Variants in CACNA2D2 observed in about 807,000 individuals in gnomAD.
CACNA2D2 encodes calcium voltage-gated channel auxiliary subunit alpha2delta 2.
A neutral mutation model predicts 166.4 loss-of-function variants in CACNA2D2; 48 were observed. The observed-to-expected ratio is 0.29, with a 90% CI of 0.23 to 0.37. CACNA2D2 has a LOEUF of 0.37. Ranked by LOEUF, CACNA2D2 falls within the 10% of genes least tolerant of loss-of-function variation. CACNA2D2 has a pLI of 1.00. For missense variants in CACNA2D2, 1,122 were observed against 1,433.0 expected (o/e 0.78, Z 3.50); for synonymous variants, 561 against 573.7 (o/e 0.98, Z 0.32).
chr3:50,499,310 T>C (rs1698857450), intron 1 of CACNA2D2, among the ~76,000 whole-genome samples: 1 of 152,120 alleles, frequency 6.6e-6, no homozygotes, highest in African/African-American at 2.4e-5. Flanking sequence ...ACCTAGCCCG[T>C]GGGAGCCCTG....
At chr3:50,495,413 ACT>A (rs1262710434) in intron 1 of CACNA2D2, among the ~76,000 whole-genome samples, 2 of 152,068 alleles carry the variant, frequency 1.3e-5, no homozygotes, top group Non-Finnish European at 2.9e-5. Context: ...GGAAAGCAAA[ACT>A]CTCAGACAAC....
chr3:50,421,864 G>T (rs1488154367), intron 3 of CACNA2D2, among the ~76,000 whole-genome samples: 1 of 152,080 alleles, frequency 6.6e-6, no homozygotes, highest in African/African-American at 2.4e-5. Context: ...CCAAGTGACT[G>T]GGAACTGCTC....
intron 1 of CACNA2D2, among the ~76,000 whole-genome samples, chr3:50,498,674 C>T (rs1430876610): frequency 3.9e-5 from 6 of 152,228 alleles, no homozygotes; most frequent in African/African-American, 7.2e-5. Flanking sequence ...CCAAGGAAGG[C>T]CCCTCAGGGT....
intron 3 of CACNA2D2, among the ~76,000 whole-genome samples, chr3:50,431,041 G>A (rs149197424): frequency 3.3e-5 from 5 of 152,196 alleles, no homozygotes; most frequent in Non-Finnish European, 5.9e-5. Context: ...ATGAACTTCC[G>A]TCCTGTGTTG....
intron 2 of CACNA2D2, among the ~76,000 whole-genome samples, chr3:50,463,856 G>T (rs987458937): frequency 1.3e-5 from 2 of 152,264 alleles, no homozygotes; most frequent in Non-Finnish European, 2.9e-5. Context: ...GGACCCTCAT[G>T]TGAGCCTGCA....
intron 2 of CACNA2D2, among the ~76,000 whole-genome samples, chr3:50,454,314 C>G (rs1422720765): frequency 6.6e-6 from 1 of 152,212 alleles, no homozygotes; most frequent in Non-Finnish European, 1.5e-5. Context: ...CCGCTGTGTA[C>G]GCAGAGTGCC....
At chr3:50,469,703 C>T (rs138981982) in intron 2 of CACNA2D2, among the ~76,000 whole-genome samples, 2 of 152,298 alleles carry the variant, frequency 1.3e-5, no homozygotes, top group Non-Finnish European at 2.9e-5. Flanking sequence ...CAACATGTCC[C>T]GGGTCCCACA....
At chr3:50,435,171 C>A (rs182440900) in intron 2 of CACNA2D2, among the ~76,000 whole-genome samples, 4 of 150,912 alleles carry the variant, frequency 2.7e-5, no homozygotes, top group Admixed American at 2.6e-4. Context: ...TCAACATATC[C>A]GTTTGTGTGC....
chr3:50,438,393 C>A (rs891213341), intron 2 of CACNA2D2, among the ~76,000 whole-genome samples: 4 of 152,198 alleles, frequency 2.6e-5, no homozygotes, highest in Non-Finnish European at 4.4e-5. Flanking sequence ...GGCATCAGGG[C>A]AAGTCCGGCC....
Position 50,375,818 on chromosome 3 carries a change from G to T in CACNA2D2, c.1836C>A (p.Ser612=), listed in dbSNP as rs904161798. The T allele has an allele frequency of 1.2e-6, 2 of 1,613,034 alleles. 1 individual carries two copies. Among genetic ancestry groups the T allele is most frequent in the Middle Eastern group, 3.3e-4 (2 of 6,060 alleles). ...AGCCCTGCCTCCTTACCTCATCCAG[G>T]GACTTGACCAACGTTCTGATCTGCT... ...GHKQIRTLVK[S]LDERYIDEVT... is the part of the protein sequence containing the mutation. The change falls in exon 20 of 38, where the codon TCC becomes TCA. Residue 612 remains serine, a synonymous_variant. Transcript: ENST00000424201. This position sits in a 1 kb window ranked among gnomAD's most constrained non-coding sequence, Gnocchi z 4.0.
intron 22 of CACNA2D2, chr3:50,373,134 AAC>A (rs1459506590): frequency 6.6e-7 from 1 of 1,519,814 alleles, no homozygotes; most frequent in Non-Finnish European, 8.8e-7. Flanking sequence ...AAACAACACA[AAC>A]ACAAAAACAA....
At position 50,383,821 on chromosome 3, in the gene CACNA2D2, G is replaced by A. The variant is rs587622394; in HGVS notation, c.652+375C>T. 2.6e-5 allele frequency among the ~76,000 whole-genome samples: 4 copies of A among 152,316 alleles called. No individual in the cohort carries two copies. In the East Asian group the frequency reaches 7.7e-4, roughly 29 times the overall value. ...CAGCTTGTCAACCACTCCTACTTGG[G>A]GGCAGGGAATGGGGAAGGGTGGTGA... On this transcript the variant is annotated intron_variant, in intron 6 of 37. Coordinates refer to ENST00000424201, the MANE Select transcript of CACNA2D2 (RefSeq NM_006030.4).
intron 3 of CACNA2D2, chr3:50,415,755 TA>T (rs1286991252): frequency 6.6e-6 from 1 of 152,264 alleles, no homozygotes; most frequent in African/African-American, 2.4e-5. Context: ...ACTTGGTAAC[TA>T]TTTGGTGAAT....
rs191339868 is a variant in CACNA2D2, at chr3:50,422,557, A to G, written c.405+11756T>C. ...AGCAAAGGATCCAAGATGCAAGCTC[A>G]GAAAAATGTGAGACCCCTTCTTTCA... On this transcript the variant is annotated intron_variant, in intron 3 of 37. Transcript: ENST00000424201. Among the ~76,000 whole-genome samples the G allele has an allele frequency of 1.5e-3, 226 of 152,326 alleles. 2 individuals carry two copies. The highest frequency in any genetic ancestry group is 5.1e-3 in the African/African-American group (213 of 41,578).
intron 3 of CACNA2D2, among the ~76,000 whole-genome samples, chr3:50,429,335 A>G (rs1707953955): frequency 6.6e-6 from 1 of 152,078 alleles, no homozygotes; most frequent in South Asian, 2.1e-4. Flanking sequence ...AGAGTAACCC[A>G]GCGACCTGTG....
chr3:50,367,572 G>A lies in CACNA2D2; in HGVS notation c.2297+70C>T, dbSNP rs973812706. On this transcript the variant is annotated intron_variant, in intron 26 of 37. Transcript: ENST00000424201. The surrounding 1 kb of genome is among the most constrained non-coding windows in gnomAD (Gnocchi z 6.5). ...ACAGTGGTCTCCACAGATGCAAGGAGGCCTCTGGGCAGAACAGATGCAGGT... is the reference window on the plus strand; with the variant it reads ...ACAGTGGTCTCCACAGATGCAAGGAAGCCTCTGGGCAGAACAGATGCAGGT... 6.3e-7 allele frequency: 1 copy of A among 1,599,830 alleles called. No individual in the cohort carries two copies. Among genetic ancestry groups the A allele is most frequent in the Admixed American group, 1.7e-5 (1 of 59,788 alleles).
intron 2 of CACNA2D2, among the ~76,000 whole-genome samples, chr3:50,435,224 AC>A (rs1409986179): frequency 2.0e-5 from 3 of 149,436 alleles, no homozygotes; most frequent in African/African-American, 7.4e-5. Context: ...AGGGTCTCTA[AC>A]CCCCCAGGGG....
chr3:50,434,213 G>T, intron 3 of CACNA2D2, 100 bp downstream of exon 3: 1 of 797,676 alleles, frequency 1.3e-6, no homozygotes, highest in Non-Finnish European at 2.1e-6. Context: ...ACTCAGGAGG[G>T]CCACGTGATG....
chr3:50,379,290 C>T lies in CACNA2D2; in HGVS notation c.1153-91G>A, dbSNP rs1432641824. On this transcript the variant is annotated intron_variant, in intron 11 of 37. Coordinates refer to ENST00000424201, the MANE Select transcript of CACNA2D2 (RefSeq NM_006030.4). This position sits in a 1 kb window ranked among gnomAD's most constrained non-coding sequence, Gnocchi z 6.5. Reference sequence around the variant, plus strand: ...CCCGCAGTGGGCCTGGACCTCTGGCCCTCCTCCCCCACAGCAGATGGAGCT... The same window carrying T: ...CCCGCAGTGGGCCTGGACCTCTGGCTCTCCTCCCCCACAGCAGATGGAGCT... The T allele has an allele frequency of 3.5e-6, 5 of 1,447,432 alleles. No individual in the cohort carries two copies. Among genetic ancestry groups the T allele is most frequent in the Non-Finnish European group, 4.8e-6 (5 of 1,037,388 alleles). 89.7% of individuals were successfully genotyped at this position (1,447,432 alleles called of 1,614,324 possible).
Sources: allele counts gnomAD v4.1 joint callset (sites outside exome capture counted in the v4.1 genomes callset), GRCh38; gene constraint gnomAD v4.1.1; non-coding constraint Gnocchi (gnomAD v3.1); transcripts MANE v1.5; gene names NCBI Gene and HGNC (gene_info 2026-07-23, HGNC 2026-07-21).